The following PRTG variants were observed in gnomAD, a reference collection of about 807,000 sequenced individuals.
PRTG encodes the protein protogenin, also known as immunoglobulin superfamily, DCC subclass, member 5.
A neutral mutation model predicts 122.5 loss-of-function variants in PRTG; 67 were observed. The ratio of observed to expected loss-of-function variants is 0.55; its 90% confidence interval spans 0.45 to 0.67. PRTG has a LOEUF of 0.67. Among genes scored for constraint, PRTG ranks in the 30% least tolerant of loss-of-function variants. The probability of loss-of-function intolerance (pLI) is 0.00; values close to 1 mark genes in which losing one functional copy is unlikely to be tolerated. For synonymous variants in PRTG, 554 were observed against 501.1 expected (o/e 1.11, Z -1.41); for missense variants, 1,435 against 1,415.4 (o/e 1.01, Z -0.22).
chr15:55,626,532 C>T lies in PRTG; in HGVS notation c.2927+476G>A, dbSNP rs942326944. On this transcript the variant is annotated intron_variant, in intron 17 of 19. Coordinates refer to ENST00000389286, the MANE Select transcript of PRTG (RefSeq NM_173814.6). ...GATGAGGCGGGCAGATCACAGATCA[C>T]GAGGTCAGGAGATCAAGACCATCCT... Among the ~76,000 whole-genome samples, 13 of 150,462 alleles carry T rather than the reference C, an allele frequency of 8.6e-5. No individual in the cohort carries two copies. In the East Asian group the frequency reaches 1.8e-3, roughly 21 times the overall value.
intron 2 of PRTG, among the ~76,000 whole-genome samples, chr15:55,687,797 C>A (rs1371590461): frequency 1.3e-5 from 2 of 152,170 alleles, no homozygotes; most frequent in Non-Finnish European, 2.9e-5. Flanking sequence ...AATCCACTGG[C>A]AAAATAGTTT....
At chr15:55,652,530 G>A (rs536203225) in intron 11 of PRTG, among the ~76,000 whole-genome samples, 3 of 152,066 alleles carry the variant, frequency 2.0e-5, no homozygotes, top group East Asian at 1.9e-4. Context: ...CTGTCCCTTC[G>A]ACACAATACC....
At position 55,675,694 on chromosome 15, in the gene PRTG, G is replaced by C; in HGVS notation, c.1382-11C>G. The stretch of plus-strand genomic sequence containing the variant: ...CTTCATTATTTAAACCTAAATTAAA[G>C]AATCCATGTTTTAAAATGACAGATA... On this transcript the variant is annotated splice_polypyrimidine_tract_variant and intron_variant, in intron 8 of 19. Transcript: ENST00000389286. 1 of 1,498,746 alleles carries C rather than the reference G, an allele frequency of 6.7e-7. No individual in the cohort carries two copies. Among genetic ancestry groups the C allele is most frequent in the South Asian group, 1.2e-5 (1 of 86,278 alleles). The allele number at this position is 1,498,746 out of a possible 1,614,324, so 92.8% of individuals were successfully genotyped here.
At chr15:55,665,979 T>C (rs1402861917) in intron 11 of PRTG, among the ~76,000 whole-genome samples, 1 of 152,246 alleles carries the variant, frequency 6.6e-6, no homozygotes, top group African/African-American at 2.4e-5. Flanking sequence ...TGCATTTATG[T>C]ATTTTCCAAG....
intron 3 of PRTG, among the ~76,000 whole-genome samples, chr15:55,683,578 T>C (rs757902939): frequency 2.0e-5 from 3 of 152,220 alleles, no homozygotes; most frequent in Admixed American, 1.3e-4. Context: ...TAGGATAATC[T>C]ATTTAAATTC....
chr15:55,673,600 T>C lies in PRTG; in HGVS notation c.1623A>G (p.Pro541=), dbSNP rs778554265. The C allele has an allele frequency of 6.2e-7, 1 of 1,614,180 alleles. No homozygotes were observed. The highest frequency in any genetic ancestry group is 1.1e-5 in the South Asian group (1 of 91,090). Residue 541 remains proline, a synonymous_variant, in exon 10 of 20, where the codon CCA becomes CCG. Coordinates refer to ENST00000389286, the MANE Select transcript of PRTG (RefSeq NM_173814.6). ...CCACTTGGCCCCGCCGATATTTGGC[T>C]GGGATTGGCAGCCAGGAGATGAGAA... ...TDILISWLPI[P]AKYRRGQVVL...
At chr15:55,716,928 G>T (rs550673189) in intron 2 of PRTG, among the ~76,000 whole-genome samples, 6 of 152,080 alleles carry the variant, frequency 3.9e-5, no homozygotes, top group African/African-American at 1.4e-4. Flanking sequence ...AATTAAAAAA[G>T]TTTTTCATTC....
At chr15:55,646,228 G>A (rs902370514) in intron 11 of PRTG, among the ~76,000 whole-genome samples, 1 of 148,082 alleles carries the variant, frequency 6.8e-6, no homozygotes, top group Non-Finnish European at 1.5e-5. Flanking sequence ...TGGCCAGGAT[G>A]GTCTCAATCT....
intron 2 of PRTG, among the ~76,000 whole-genome samples, chr15:55,705,225 C>T (rs1192498997): frequency 6.6e-6 from 1 of 152,164 alleles, no homozygotes; most frequent in African/African-American, 2.4e-5. Flanking sequence ...CATCATAGCA[C>T]CTCACAGTAC....
chr15:55,629,984 A>ATTT (rs1169581862), intron 15 of PRTG, among the ~76,000 whole-genome samples: 17 of 125,266 alleles, frequency 1.4e-4, no homozygotes, highest in Non-Finnish European at 1.4e-4. Flanking sequence ...CACCAGGTTA[A>ATTT]TTTTTTTTTT....
At chr15:55,690,688 C>G (rs2059595797) in intron 2 of PRTG, among the ~76,000 whole-genome samples, 1 of 152,120 alleles carries the variant, frequency 6.6e-6, no homozygotes, top group South Asian at 2.1e-4. Context: ...CTTCTCGTTC[C>G]AAGCATTTCA....
intron 11 of PRTG, among the ~76,000 whole-genome samples, chr15:55,660,069 A>G (rs1336015549): frequency 2.6e-5 from 4 of 152,196 alleles, no homozygotes; most frequent in Non-Finnish European, 5.9e-5. Flanking sequence ...TATTTATAAC[A>G]TACATATGTG....
Position 55,637,355 on chromosome 15 carries a change from C to T in PRTG, c.2453-15G>A. The T allele has an allele frequency of 6.3e-6, 10 of 1,595,884 alleles. No homozygotes were observed. Among genetic ancestry groups the T allele is most frequent in the Non-Finnish European group, 7.7e-6 (9 of 1,171,872 alleles). On this transcript the variant is annotated splice_polypyrimidine_tract_variant and intron_variant, in intron 14 of 19. Coordinates refer to ENST00000389286, the MANE Select transcript of PRTG (RefSeq NM_173814.6). Reference sequence around the variant, plus strand: ...GCCTGCTGGTGCTGTGCAGACACAACAAAACATTGTATTAATATAGTAAAA... The same window carrying T: ...GCCTGCTGGTGCTGTGCAGACACAATAAAACATTGTATTAATATAGTAAAA...
chr15:55,626,167 G>A (rs928817792), intron 17 of PRTG, among the ~76,000 whole-genome samples: 29 of 152,166 alleles, frequency 1.9e-4, no homozygotes, highest in African/African-American at 6.5e-4. Context: ...TGTAATTGCA[G>A]TACTTTGGGA....
intron 11 of PRTG, among the ~76,000 whole-genome samples, chr15:55,661,350 T>A (rs1365784642): frequency 6.6e-6 from 1 of 152,170 alleles, no homozygotes; most frequent in East Asian, 1.9e-4. Context: ...TATTTCACCT[T>A]ATAAACTGAT....
rs768204547 is a variant in PRTG, at chr15:55,620,697, A to C, written c.3164T>G (p.Phe1055Cys). 1 of 1,601,888 alleles carries C rather than the reference A, an allele frequency of 6.2e-7. No individual in the cohort carries two copies. ...TTGTATCTTCTTTGAGTCTTGGAAA[A>C]AAAACCACTTTTTCTTAGAGTTGTT... ...IKNNSKKKWF[F>C]FQDSKKIQVE... Residue 1055 changes from phenylalanine (F) to cysteine (C), a missense_variant, in exon 19 of 20, where the codon TTT (phenylalanine) becomes TGT (cysteine). Physicochemically the swap from Phe to Cys is radical, Grantham distance 205. Coordinates refer to ENST00000389286, the MANE Select transcript of PRTG (RefSeq NM_173814.6).
chr15:55,624,129 A>G (rs891619024), intron 18 of PRTG, among the ~76,000 whole-genome samples: 1 of 152,108 alleles, frequency 6.6e-6, no homozygotes, highest in Non-Finnish European at 1.5e-5. Context: ...TATATGCTAT[A>G]TATTATGGCA....
At chr15:55,666,557 A>G (rs1189264910) in intron 11 of PRTG, among the ~76,000 whole-genome samples, 1 of 152,216 alleles carries the variant, frequency 6.6e-6, no homozygotes, top group Non-Finnish European at 1.5e-5. Context: ...AACCTACTGA[A>G]TATTAGAATC....
intron 11 of PRTG, among the ~76,000 whole-genome samples, chr15:55,654,141 T>G (rs1169064454): frequency 6.6e-6 from 1 of 152,204 alleles, no homozygotes; most frequent in East Asian, 1.9e-4. Flanking sequence ...GGAAGACTTT[T>G]CCTTTTGTGA....
Sources: gnomAD v4.1 joint callset for allele counts (sites outside exome capture counted in the v4.1 genomes callset) on GRCh38, gnomAD v4.1.1 for gene constraint, MANE v1.5 for transcripts, NCBI Gene and HGNC (gene_info 2026-07-23, HGNC 2026-07-21) for gene names.